CEP128: variants seen among roughly 807,000 people sequenced by gnomAD.
The protein encoded by CEP128 is centrosomal protein 128.
A neutral mutation model predicts 156.7 loss-of-function variants in CEP128; 132 were observed. The ratio of observed to expected loss-of-function variants is 0.84; its 90% CI spans 0.73 to 0.97. CEP128 has a LOEUF of 0.97. CEP128 is among the 50% of genes least tolerant of loss of function. The pLI is 0.00. For missense variants in CEP128, 1,252 were observed against 1,281.9 expected (o/e 0.98, Z 0.36); for synonymous variants, 469 against 448.9 (o/e 1.04, Z -0.57).
intron 8 of CEP128, among the ~76,000 whole-genome samples, chr14:80,875,777 G>A (rs1021001116): frequency 1.3e-4 from 20 of 152,152 alleles, no homozygotes; most frequent in African/African-American, 2.6e-4. Context: ...ATGCACACTC[G>A]CCCTAAAGGG....
intron 8 of CEP128, among the ~76,000 whole-genome samples, chr14:80,887,468 A>G (rs1888862787): frequency 6.6e-6 from 1 of 152,232 alleles, no homozygotes; most frequent in Non-Finnish European, 1.5e-5. Flanking sequence ...CTCAGGATTA[A>G]GAAATTCTCT....
intron 19 of CEP128, among the ~76,000 whole-genome samples, chr14:80,682,797 G>T (rs949608580): frequency 6.6e-6 from 1 of 152,164 alleles, no homozygotes; most frequent in Non-Finnish European, 1.5e-5. Flanking sequence ...TTCGGCACTC[G>T]CAGAGAAAAT....
intron 19 of CEP128, among the ~76,000 whole-genome samples, chr14:80,695,005 T>C (rs967349665): frequency 6.6e-6 from 1 of 152,068 alleles, no homozygotes; most frequent in African/African-American, 2.4e-5. Flanking sequence ...GAATAGTTTG[T>C]TGCTTAAATT....
chr14:80,678,727 T>C (rs532886511), intron 19 of CEP128, among the ~76,000 whole-genome samples: 1 of 152,070 alleles, frequency 6.6e-6, no homozygotes, highest in Non-Finnish European at 1.5e-5. Flanking sequence ...GGAGTTAACA[T>C]GGTGAGAGGC....
chr14:80,806,837 T>C (rs58223938), intron 13 of CEP128, among the ~76,000 whole-genome samples: 10 of 152,196 alleles, frequency 6.6e-5, no homozygotes, highest in African/African-American at 2.4e-4. Context: ...AAAACAAATA[T>C]TGAGGGAGAG....
intron 8 of CEP128, among the ~76,000 whole-genome samples, chr14:80,870,297 T>A (rs1887963533): frequency 6.6e-6 from 1 of 151,942 alleles, no homozygotes; most frequent in Non-Finnish European, 1.5e-5. Context: ...AAAAGATAAT[T>A]ACAAGCCAAT....
chr14:80,645,329 T>C (rs1040574605), intron 19 of CEP128, among the ~76,000 whole-genome samples: 5 of 152,114 alleles, frequency 3.3e-5, no homozygotes, highest in African/African-American at 1.2e-4. Flanking sequence ...TATTAAGGTA[T>C]TATACCTGGT....
At chr14:80,895,819 A>C in intron 7 of CEP128, 29 bp from the exon 8 acceptor site, 2 of 1,227,516 alleles carry the variant, frequency 1.6e-6, no homozygotes, top group Non-Finnish European at 1.1e-6. Flanking sequence ...AAAAGATTTA[A>C]ATTTGGATAT....
In CEP128 at chr14:80,681,184, C is replaced by A. The variant is rs189220803; in HGVS notation, c.2806+61891G>T. ...CCCATGATCCTCTGCATCCACACTC[C>A]CTAGCGAGGAAGGGAAAAGGTAAAA... On this transcript the variant is annotated intron_variant, in intron 19 of 24. Coordinates refer to ENST00000555265, the MANE Select transcript of CEP128 (RefSeq NM_152446.5). Among the ~76,000 whole-genome samples the A allele has an allele frequency of 1.3e-4, 20 of 152,006 alleles. No individual in the cohort carries two copies. In the East Asian group the frequency reaches 3.9e-3, roughly 29 times the overall value.
chr14:80,912,343 GGAA>G (rs1884284463), intron 4 of CEP128, among the ~76,000 whole-genome samples: 1 of 151,910 alleles, frequency 6.6e-6, no homozygotes, highest in African/African-American at 2.4e-5. Context: ...TTAGTGCTAT[GGAA>G]TATATCATAC....
intron 19 of CEP128, among the ~76,000 whole-genome samples, chr14:80,720,758 G>A (rs34334251): frequency 6.6e-6 from 1 of 152,136 alleles, no homozygotes; most frequent in Non-Finnish European, 1.5e-5. Context: ...TAGCGGAAAC[G>A]AAGTATCTAA....
At chr14:80,657,786 GA>G (rs1356132199) in intron 19 of CEP128, among the ~76,000 whole-genome samples, 1 of 151,748 alleles carries the variant, frequency 6.6e-6, no homozygotes, top group Non-Finnish European at 1.5e-5. Flanking sequence ...GAAGAGAGGA[GA>G]AAATTTTTGA....
intron 20 of CEP128, among the ~76,000 whole-genome samples, chr14:80,573,086 C>T (rs990786290): frequency 8.8e-6 from 1 of 113,356 alleles, no homozygotes; most frequent in East Asian, 3.0e-4. Flanking sequence ...CCACGCCTGA[C>T]TAATTTTTTT....
At chr14:80,554,932 C>T (rs557287284) in intron 21 of CEP128, among the ~76,000 whole-genome samples, 1 of 152,068 alleles carries the variant, frequency 6.6e-6, no homozygotes, top group South Asian at 2.1e-4. Context: ...TCCGAAAGAG[C>T]CACCAGAAAA....
chr14:80,619,700 C>T (rs1172968460), intron 19 of CEP128, among the ~76,000 whole-genome samples: 4 of 137,838 alleles, frequency 2.9e-5, no homozygotes, highest in African/African-American at 1.1e-4. Context: ...AAAACTCTGT[C>T]TCAAGTTAAA....
intron 19 of CEP128, among the ~76,000 whole-genome samples, chr14:80,585,378 A>G (rs1399646730): frequency 6.6e-6 from 1 of 152,204 alleles, no homozygotes; most frequent in Non-Finnish European, 1.5e-5. Flanking sequence ...CTGGTAGCCA[A>G]GAAGCAGATA....
At chr14:80,955,966 A>ATGTGTGAGTGAATGTC in intron 2 of CEP128, 1 of 1,259,192 alleles carries the variant, frequency 7.9e-7, no homozygotes, top group Non-Finnish European at 1.1e-6. Flanking sequence ...GAGTGTGTGT[A>ATGTGTGAGTGAATGTC]TGTGTGAGTG....
intron 19 of CEP128, among the ~76,000 whole-genome samples, chr14:80,666,438 A>G (rs1016005453): frequency 6.6e-6 from 1 of 152,200 alleles, no homozygotes; most frequent in African/African-American, 2.4e-5. Flanking sequence ...TTCCCAGGAA[A>G]TCAACAACAC....
intron 19 of CEP128, among the ~76,000 whole-genome samples, chr14:80,683,208 T>A (rs1896391444): frequency 6.6e-6 from 1 of 152,132 alleles, no homozygotes; most frequent in East Asian, 1.9e-4. Flanking sequence ...ATCCATCTGC[T>A]CTTTTCAACA....
Sources: allele counts gnomAD v4.1 joint callset (sites outside exome capture counted in the v4.1 genomes callset), GRCh38; gene constraint gnomAD v4.1.1; transcripts MANE v1.5; gene names NCBI Gene and HGNC (gene_info 2026-07-23, HGNC 2026-07-21).